Variants in TCF12 observed in about 807,000 individuals in gnomAD.
The protein encoded by TCF12 is transcription factor 12.
Under a neutral mutation model 86.0 loss-of-function variants are expected in TCF12, and 45 were observed. The ratio of observed to expected loss-of-function variants is 0.52; its 90% CI spans 0.41 to 0.67. The LOEUF (loss-of-function observed/expected upper bound fraction) is 0.67. TCF12 is among the 30% of genes least tolerant of loss of function. The pLI is 0.00. For synonymous variants in TCF12, 330 were observed against 299.6 expected, an observed-to-expected ratio of 1.10 and a Z score of -1.05; for missense variants, 881 against 859.9, an observed-to-expected ratio of 1.02 and a Z score of -0.31.
chr15:57,202,460 G>T (rs1192547710), intron 8 of TCF12, among the ~76,000 whole-genome samples: 4 of 126,420 alleles, frequency 3.2e-5, no homozygotes, highest in Admixed American at 8.6e-5. Flanking sequence ...TTTTGAGACA[G>T]AGTCTTGCTC....
chr15:56,971,471 C>T (rs1396716725), intron 3 of TCF12, among the ~76,000 whole-genome samples: 1 of 151,960 alleles, frequency 6.6e-6, no homozygotes, highest in Non-Finnish European at 1.5e-5. Context: ...GCAAGACACC[C>T]AACAGAAAAA....
intron 6 of TCF12, among the ~76,000 whole-genome samples, chr15:57,182,440 T>C (rs536626977): frequency 2.6e-5 from 4 of 152,242 alleles, no homozygotes; most frequent in African/African-American, 7.2e-5. Context: ...GTGGACAAAA[T>C]TTTGTCTTAA....
At chr15:57,076,602 G>A (rs1245409281) in intron 4 of TCF12, among the ~76,000 whole-genome samples, 2 of 150,318 alleles carry the variant, frequency 1.3e-5, no homozygotes, top group Admixed American at 6.6e-5. Context: ...GCAGTGAGCC[G>A]AGATCGCGCC....
chr15:56,943,040 A>T (rs1212015364), intron 3 of TCF12, among the ~76,000 whole-genome samples: 1 of 152,238 alleles, frequency 6.6e-6, no homozygotes, highest in Admixed American at 6.5e-5. Flanking sequence ...GGTGAGAAAC[A>T]CAGTCATTCC....
chr15:57,028,256 C>T (rs765971406), intron 3 of TCF12, among the ~76,000 whole-genome samples: 3 of 151,802 alleles, frequency 2.0e-5, no homozygotes, highest in Non-Finnish European at 4.4e-5. Flanking sequence ...CCACCGCGCC[C>T]GACTGAAACC....
intron 3 of TCF12, among the ~76,000 whole-genome samples, chr15:56,959,358 T>G (rs1213886588): frequency 2.0e-5 from 3 of 152,182 alleles, no homozygotes; most frequent in Non-Finnish European, 4.4e-5. Context: ...TCTCAAAAAC[T>G]TAAACTAGAT....
intron 3 of TCF12, among the ~76,000 whole-genome samples, chr15:56,942,183 G>T (rs1426762261): frequency 6.6e-6 from 1 of 152,188 alleles, no homozygotes; most frequent in Non-Finnish European, 1.5e-5. Context: ...CATTTATTCA[G>T]TGATTCTAAG....
In TCF12 at chr15:57,232,861, G is replaced by A; in HGVS notation, c.970+5G>A. The stretch of plus-strand genomic sequence containing the variant: ...ATGGATCAGACAGCATTCTAGGTGA[G>A]CTTTTTGAGTTGGCAAAACTTCCTA... On this transcript the variant is annotated splice_donor_5th_base_variant and intron_variant, in intron 11 of 20. Transcript: ENST00000333725. 1 of 1,540,436 alleles carries A rather than the reference G, an allele frequency of 6.5e-7. No individual in the cohort carries two copies. Among genetic ancestry groups the A allele is most frequent in the South Asian group, 1.3e-5 (1 of 77,854 alleles).
chr15:57,077,034 A>G (rs771228232), intron 4 of TCF12, among the ~76,000 whole-genome samples: 2 of 152,124 alleles, frequency 1.3e-5, no homozygotes, highest in African/African-American at 4.8e-5. Context: ...CAATACCATA[A>G]CTGTCTTGAT....
chr15:57,128,906 A>T (rs1474054620), intron 5 of TCF12, among the ~76,000 whole-genome samples: 2 of 152,218 alleles, frequency 1.3e-5, no homozygotes, highest in Non-Finnish European at 2.9e-5. Flanking sequence ...TTGTATGGAT[A>T]TACCATTTTT....
intron 3 of TCF12, among the ~76,000 whole-genome samples, chr15:57,016,130 G>A (rs968402577): frequency 6.6e-6 from 1 of 152,140 alleles, no homozygotes; most frequent in African/African-American, 2.4e-5. Context: ...GGAGTCATCC[G>A]GTTAGGATAG....
At chr15:57,138,254 A>T (rs1288030692) in intron 5 of TCF12, among the ~76,000 whole-genome samples, 2 of 152,190 alleles carry the variant, frequency 1.3e-5, no homozygotes, top group African/African-American at 4.8e-5. Flanking sequence ...TTCAGCGTTA[A>T]CTAAAGATTT....
chr15:57,078,269 C>A (rs1346547331), intron 4 of TCF12, among the ~76,000 whole-genome samples: 1 of 152,094 alleles, frequency 6.6e-6, no homozygotes. Flanking sequence ...CATACAAAAC[C>A]CAGCAAGTTT....
intron 5 of TCF12, among the ~76,000 whole-genome samples, chr15:57,124,169 T>C (rs961126907): frequency 3.9e-5 from 6 of 151,920 alleles, no homozygotes; most frequent in African/African-American, 1.2e-4. Context: ...AAGCAGGAAG[T>C]TTCTGTTCAT....
At chr15:57,210,416 CT>C (rs1455578235) in intron 8 of TCF12, among the ~76,000 whole-genome samples, 2 of 151,954 alleles carry the variant, frequency 1.3e-5, no homozygotes, top group South Asian at 2.1e-4. Flanking sequence ...TTTGTAAACA[CT>C]TTTCAGGGAG....
chr15:57,261,018 G>T lies in TCF12; in HGVS notation c.1468-1076G>T, dbSNP rs533118410. On this transcript the variant is annotated intron_variant, in intron 16 of 20. Transcript: ENST00000333725. The stretch of plus-strand genomic sequence containing the variant: ...GGAAGTAGGATGGAAGTCTGCCATA[G>T]TTTCTGTGGTCCCTTCCCAGCTTTA... 2.0e-5 allele frequency among the ~76,000 whole-genome samples: 3 copies of T among 152,228 alleles called. No individual in the cohort carries two copies. In the East Asian group the frequency reaches 5.8e-4, roughly 29 times the overall value.
rs1339554183 is a variant in TCF12 at position 57,052,651 on chromosome 15, AAC to A, written c.149-11098_149-11097del. ...GACTCCATCTCAAAAAAAAAAAAAA[AAC>A]CAAAATAAAACAAAACTATATCTGC... On this transcript the variant is annotated intron_variant, in intron 3 of 20. Transcript: ENST00000333725. Among the ~76,000 whole-genome samples, 74 of 141,780 alleles carry A rather than the reference AAC, an allele frequency of 5.2e-4. 1 individual carries two copies. Among genetic ancestry groups the A allele is most frequent in the Admixed American group, 1.2e-3 (17 of 14,066 alleles). 93.0% of individuals were successfully genotyped at this position (141,780 alleles called of 152,430 possible).
chr15:57,141,666 A>T (rs1426844134), intron 5 of TCF12, among the ~76,000 whole-genome samples: 1 of 152,130 alleles, frequency 6.6e-6, no homozygotes, highest in Non-Finnish European at 1.5e-5. Flanking sequence ...TGTTATTTTT[A>T]ATTAAATTAA....
chr15:56,984,527 T>TA (rs1426995400), intron 3 of TCF12, among the ~76,000 whole-genome samples: 2 of 152,126 alleles, frequency 1.3e-5, no homozygotes, highest in South Asian at 2.1e-4. Context: ...CACAGACAAT[T>TA]AGAGTGTTCT....
Sources: allele counts gnomAD v4.1 joint callset (sites outside exome capture counted in the v4.1 genomes callset), GRCh38; gene constraint gnomAD v4.1.1; transcripts MANE v1.5; gene names NCBI Gene and HGNC (gene_info 2026-07-23, HGNC 2026-07-21).